Variants in ANO4 observed in about 807,000 individuals in gnomAD.
ANO4 encodes anoctamin 4.
A neutral mutation model predicts 141.9 loss-of-function variants in ANO4; 69 were observed. The observed-to-expected ratio is 0.49, with a 90% CI of 0.40 to 0.59. The LOEUF (loss-of-function observed/expected upper bound fraction) is 0.59, where lower values mean the gene tolerates loss of function less well. Ranked by LOEUF, ANO4 falls within the 20% of genes least tolerant of loss-of-function variation. The pLI is 0.00. For missense variants in ANO4, 894 were observed against 1,162.2 expected (o/e 0.77, Z 3.36); for synonymous variants, 350 against 394.3 (o/e 0.89, Z 1.33).
upstream of ANO4, among the ~76,000 whole-genome samples, chr12:100,793,865 T>G (rs530514290): frequency 6.6e-6 from 1 of 152,360 alleles, no homozygotes; most frequent in East Asian, 1.9e-4. Context: ...AGGAAAAGTT[T>G]AGAGTCCTCC....
intron 3 of ANO4, among the ~76,000 whole-genome samples, chr12:100,926,082 T>C (rs1024804291): frequency 2.6e-5 from 4 of 152,210 alleles, no homozygotes; most frequent in Admixed American, 6.6e-5. Context: ...ATGGTTACTA[T>C]GTGATAGAGT....
At chr12:101,066,670 G>A (rs1011129246) in intron 14 of ANO4, 20 of 627,326 alleles carry the variant, frequency 3.2e-5, no homozygotes, top group Admixed American at 4.8e-5. Context: ...ATGGCCCTGC[G>A]GTCGGCGGCC....
intron 8 of ANO4, among the ~76,000 whole-genome samples, chr12:101,010,339 C>T (rs1028271783): frequency 6.6e-6 from 1 of 152,090 alleles, no homozygotes; most frequent in Non-Finnish European, 1.5e-5. Flanking sequence ...AAGATGATAT[C>T]ATGAAGTACA....
In ANO4 at chr12:100,750,197, T is replaced by A. The variant is rs141520443; in HGVS notation, c.358+10092T>A. On this transcript the variant is annotated intron_variant, in intron 3 of 29. Coordinates refer to the ANO4 transcript ENST00000644049. The stretch of plus-strand genomic sequence containing the variant: ...TCATCCAGGCTGTAGTGCAGTGGCA[T>A]GATCTTGGCTCACTGCAACTTCTGC... Among the ~76,000 whole-genome samples the A allele has an allele frequency of 3.1e-3, 478 of 152,118 alleles. 4 individuals carry two copies. The highest frequency in any genetic ancestry group is 0.011 in the African/African-American group (464 of 41,508).
chr12:100,732,468 C>A (rs1422501559), intron 1 of ANO4, among the ~76,000 whole-genome samples: 1 of 152,094 alleles, frequency 6.6e-6, no homozygotes, highest in East Asian at 1.9e-4. Flanking sequence ...CTTTATATAA[C>A]AATCCTTTAT....
intron 9 of ANO4, among the ~76,000 whole-genome samples, chr12:101,034,674 G>A (rs1037621275): frequency 5.4e-4 from 82 of 152,210 alleles, no homozygotes; most frequent in Admixed American, 2.4e-3. Flanking sequence ...AATATGGCTA[G>A]TAAAGGACAT....
chr12:100,815,761 GTGTGTGTGTT>G (rs2035700615), intron 1 of ANO4, among the ~76,000 whole-genome samples: 1 of 151,890 alleles, frequency 6.6e-6, no homozygotes, highest in Non-Finnish European at 1.5e-5. Flanking sequence ...ATATGTGTGT[GTGTGTGTGTT>G]TGTGTGTGTG....
chr12:101,041,637 T>C (rs1311481301), intron 11 of ANO4, among the ~76,000 whole-genome samples: 2 of 152,188 alleles, frequency 1.3e-5, no homozygotes, highest in African/African-American at 4.8e-5. Flanking sequence ...TCTCTGGCTC[T>C]GAAAAACTCA....
At chr12:100,824,550 A>C (rs1274690573) in intron 1 of ANO4, among the ~76,000 whole-genome samples, 1 of 152,094 alleles carries the variant, frequency 6.6e-6, no homozygotes, top group African/African-American at 2.4e-5. Flanking sequence ...CTCAGGGTAC[A>C]GTGTCACATT....
At chr12:100,829,235 C>T (rs929749526) in intron 1 of ANO4, among the ~76,000 whole-genome samples, 2 of 151,998 alleles carry the variant, frequency 1.3e-5, no homozygotes, top group African/African-American at 4.8e-5. Flanking sequence ...CTAAACTCTG[C>T]TGCTTATTAG....
At chr12:100,853,533 G>T (rs1388435761) in intron 1 of ANO4, among the ~76,000 whole-genome samples, 1 of 151,886 alleles carries the variant, frequency 6.6e-6, no homozygotes, top group Non-Finnish European at 1.5e-5. Context: ...TGTTCTATTG[G>T]TCTATTTGTC....
chr12:100,748,085 C>T (rs771407302), intron 3 of ANO4, among the ~76,000 whole-genome samples: 17 of 152,114 alleles, frequency 1.1e-4, no homozygotes, highest in African/African-American at 1.7e-4. Context: ...TTCCTGGTGA[C>T]CTTACCGAGC....
At chr12:101,035,001 G>A (rs984806320) in intron 9 of ANO4, among the ~76,000 whole-genome samples, 2 of 152,132 alleles carry the variant, frequency 1.3e-5, no homozygotes, top group African/African-American at 4.8e-5. Context: ...TTTTCAAAAA[G>A]TTAAATGTTC....
intron 1 of ANO4, among the ~76,000 whole-genome samples, chr12:100,725,917 C>T (rs2136760016): frequency 6.6e-6 from 1 of 152,278 alleles, no homozygotes; most frequent in Non-Finnish European, 1.5e-5. Flanking sequence ...CCTCCAGGTG[C>T]CATTACCTCA....
chr12:100,894,953 G>C (rs1321431669), intron 1 of ANO4, among the ~76,000 whole-genome samples: 2 of 137,060 alleles, frequency 1.5e-5, no homozygotes, highest in Non-Finnish European at 3.1e-5. Context: ...GCGACAGAGC[G>C]AGACTCCATC....
intron 2 of ANO4, among the ~76,000 whole-genome samples, chr12:100,737,978 C>T (rs1472814983): frequency 6.6e-6 from 1 of 152,074 alleles, no homozygotes; most frequent in Non-Finnish European, 1.5e-5. Context: ...ATCCAGGGAA[C>T]AGAAGAAAGA....
chr12:100,942,075 G>A lies in ANO4; in HGVS notation c.298-302G>A, dbSNP rs190757706. 7.5e-3 allele frequency among the ~76,000 whole-genome samples: 1,142 copies of A among 151,736 alleles called. 14 individuals carry two copies. Among genetic ancestry groups the A allele is most frequent in the African/African-American group, 0.026 (1,074 of 41,380 alleles). On this transcript the variant is annotated intron_variant, in intron 4 of 27. Coordinates refer to ENST00000392977, the MANE Select transcript of ANO4 (RefSeq NM_001286615.2). ...GGCTCACTGCAACCTCCACCTCCCA[G>A]GTTCAAGCAATTCCCCTGCCTCAGC...
At chr12:100,900,135 G>A (rs1330005560) in intron 1 of ANO4, among the ~76,000 whole-genome samples, 4 of 152,034 alleles carry the variant, frequency 2.6e-5, no homozygotes, top group African/African-American at 9.7e-5. Flanking sequence ...AGAATTTCAA[G>A]CCCAGAAATA....
At chr12:100,819,999 T>G (rs2035948301) in intron 1 of ANO4, among the ~76,000 whole-genome samples, 2 of 151,966 alleles carry the variant, frequency 1.3e-5, no homozygotes, top group African/African-American at 4.8e-5. Flanking sequence ...ATGTAGAGTC[T>G]CTAAGTAAAC....
Sources: allele counts gnomAD v4.1 joint callset (sites outside exome capture counted in the v4.1 genomes callset), GRCh38; gene constraint gnomAD v4.1.1; transcripts MANE v1.5; gene names NCBI Gene and HGNC (gene_info 2026-07-23, HGNC 2026-07-21).